Variants in HPSE2 observed in about 807,000 individuals in gnomAD.
The protein encoded by HPSE2 is heparanase 2 (inactive).
In HPSE2, 38 loss-of-function variants were observed where a neutral mutation model predicts 60.5. The observed-to-expected ratio is 0.63, with a 90% confidence interval of 0.48 to 0.82. HPSE2 has a LOEUF of 0.82. HPSE2 is among the 40% of genes least tolerant of loss of function. The pLI is 0.00. For synonymous variants in HPSE2, 295 were observed against 293.2 expected (o/e 1.01, Z -0.06); for missense variants, 713 against 740.4 (o/e 0.96, Z 0.43).
intron 9 of HPSE2, among the ~76,000 whole-genome samples, chr10:98,590,423 G>A (rs1589464315): frequency 6.6e-6 from 1 of 152,102 alleles, no homozygotes; most frequent in East Asian, 1.9e-4. Flanking sequence ...AGCCTGGGTG[G>A]GAATCTCTGG....
intron 3 of HPSE2, among the ~76,000 whole-genome samples, chr10:99,112,775 T>C (rs1299951935): frequency 6.6e-6 from 1 of 152,196 alleles, no homozygotes; most frequent in African/African-American, 2.4e-5. Context: ...AAGCCATTAC[T>C]TTCTAATGAA....
At chr10:98,763,169 A>G (rs2134393564) in intron 3 of HPSE2, among the ~76,000 whole-genome samples, 1 of 152,196 alleles carries the variant, frequency 6.6e-6, no homozygotes, top group East Asian at 1.9e-4. Context: ...ATTTTTTTTT[A>G]ATGAACATAG....
chr10:98,540,969 T>C (rs189300910), intron 9 of HPSE2, among the ~76,000 whole-genome samples: 2 of 152,268 alleles, frequency 1.3e-5, no homozygotes, highest in East Asian at 3.9e-4. Flanking sequence ...GGAAGAGAAA[T>C]AGCTTTTCTT....
chr10:98,685,416 C>G (rs1238452221), intron 6 of HPSE2, among the ~76,000 whole-genome samples: 1 of 152,126 alleles, frequency 6.6e-6, no homozygotes, highest in Non-Finnish European at 1.5e-5. Flanking sequence ...ATGCCCTTTC[C>G]TTCTCAATTT....
chr10:99,125,696 G>A (rs1431032542), intron 3 of HPSE2, among the ~76,000 whole-genome samples: 1 of 152,222 alleles, frequency 6.6e-6, no homozygotes, highest in African/African-American at 2.4e-5. Flanking sequence ...CCCCAATGGG[G>A]AATCTGAAAA....
At chr10:98,729,526 G>A (rs779083472) in intron 4 of HPSE2, among the ~76,000 whole-genome samples, 14 of 152,008 alleles carry the variant, frequency 9.2e-5, no homozygotes, top group South Asian at 2.1e-4. Context: ...GGAGAATGGC[G>A]TGAACCTGAT....
chr10:98,607,376 G>C (rs183712808), intron 9 of HPSE2, among the ~76,000 whole-genome samples: 115 of 152,276 alleles, frequency 7.6e-4, no homozygotes, highest in Admixed American at 5.8e-3. Flanking sequence ...ATGGCTGATG[G>C]CAGAGTGGGA....
chr10:98,969,946 G>A (rs1013841648), intron 3 of HPSE2, among the ~76,000 whole-genome samples: 8 of 149,488 alleles, frequency 5.4e-5, no homozygotes, highest in South Asian at 2.1e-4. Context: ...AGCAAGAGGT[G>A]GGGAACAGCT....
At chr10:98,596,544 C>T (rs1945244282) in intron 9 of HPSE2, among the ~76,000 whole-genome samples, 1 of 151,786 alleles carries the variant, frequency 6.6e-6, no homozygotes, top group Non-Finnish European at 1.5e-5. Context: ...TAATGAACTC[C>T]CTTAGCTTTT....
intron 3 of HPSE2, among the ~76,000 whole-genome samples, chr10:98,806,985 T>C (rs1951057012): frequency 6.6e-6 from 1 of 151,900 alleles, no homozygotes; most frequent in African/African-American, 2.4e-5. Context: ...CTACTAAAAA[T>C]ACAAAAAATT....
intron 2 of HPSE2, among the ~76,000 whole-genome samples, chr10:99,201,230 T>C (rs1327603404): frequency 6.6e-6 from 1 of 152,154 alleles, no homozygotes; most frequent in East Asian, 1.9e-4. Context: ...CCAGATCAAA[T>C]CAATTACCAT....
intron 3 of HPSE2, among the ~76,000 whole-genome samples, chr10:99,106,674 A>G (rs1472428036): frequency 1.3e-5 from 2 of 152,106 alleles, no homozygotes; most frequent in African/African-American, 4.8e-5. Context: ...GGCTTACTAT[A>G]AGATAGATAC....
At chr10:98,966,871 T>C (rs1342766495) in intron 3 of HPSE2, among the ~76,000 whole-genome samples, 1 of 152,210 alleles carries the variant, frequency 6.6e-6, no homozygotes, top group Non-Finnish European at 1.5e-5. Flanking sequence ...TTTATGCATA[T>C]AACAAAACTT....
chr10:98,632,171 G>A (rs1378645492), intron 7 of HPSE2, among the ~76,000 whole-genome samples: 1 of 152,130 alleles, frequency 6.6e-6, no homozygotes, highest in Non-Finnish European at 1.5e-5. Context: ...AAAAAGCTCT[G>A]TTGGCTTGAG....
At chr10:99,222,305 T>C (rs1442782175) in intron 2 of HPSE2, among the ~76,000 whole-genome samples, 2 of 152,164 alleles carry the variant, frequency 1.3e-5, no homozygotes, top group Non-Finnish European at 2.9e-5. Context: ...TTGCAGACTG[T>C]ATAACCTCTT....
intron 5 of HPSE2, among the ~76,000 whole-genome samples, chr10:98,703,803 G>A (rs1948474889): frequency 6.6e-6 from 1 of 152,144 alleles, no homozygotes; most frequent in South Asian, 2.1e-4. Context: ...CAAACCTACA[G>A]CCAATATCAT....
At chr10:99,270,675 T>A in the HPSE2 span, among the ~76,000 whole-genome samples, 1 of 151,740 alleles carries the variant, frequency 6.6e-6, no homozygotes, top group African/African-American at 2.4e-5. Context: ...GGAAAGGATA[T>A]AACAAAAAAA....
intron 3 of HPSE2, among the ~76,000 whole-genome samples, chr10:98,809,056 G>A (rs564708141): frequency 2.0e-4 from 31 of 152,088 alleles, no homozygotes; most frequent in Non-Finnish European, 4.3e-4. Context: ...ACCTTCCCAG[G>A]TGACTCTTTT....
chr10:98,464,236 G>A (rs1271876311), intron 11 of HPSE2, among the ~76,000 whole-genome samples: 1 of 152,136 alleles, frequency 6.6e-6, no homozygotes, highest in Non-Finnish European at 1.5e-5. Flanking sequence ...TTTTTTTGGG[G>A]GAGGGAGGTA....
Sources: allele counts gnomAD v4.1 joint callset (sites outside exome capture counted in the v4.1 genomes callset), GRCh38; gene constraint gnomAD v4.1.1; transcripts MANE v1.5; gene names NCBI Gene and HGNC (gene_info 2026-07-23, HGNC 2026-07-21).